The following AP3S2 variants were observed in gnomAD, a reference collection of about 807,000 sequenced individuals.
AP3S2 encodes adaptor related protein complex 3 subunit sigma 2, also known as AP-3 complex subunit sigma-2.
A neutral mutation model predicts 23.4 loss-of-function variants in AP3S2; 22 were observed. That is an observed-to-expected ratio of 0.94 (90% confidence interval 0.67 to 1.34). The LOEUF (loss-of-function observed/expected upper bound fraction) is 1.34, where lower values mean the gene tolerates loss of function less well. Among genes scored for constraint, AP3S2 ranks in the 40% most tolerant of loss-of-function variants. The pLI is 0.00. For missense variants in AP3S2, 241 were observed against 236.9 expected, an observed-to-expected ratio of 1.02 and a Z score of -0.11; for synonymous variants, 86 against 87.1, an observed-to-expected ratio of 0.99 and a Z score of 0.07.
intron 3 of AP3S2, 76 bp downstream of exon 3, chr15:89,888,445 G>A: frequency 7.0e-7 from 1 of 1,420,464 alleles, no homozygotes; most frequent in Non-Finnish European, 9.9e-7. Flanking sequence ...TGGACACAAG[G>A]TTCTACAGGC....
chr15:89,844,508 T>A (rs11636349), intron 4 of AP3S2, among the ~76,000 whole-genome samples: 1 of 150,802 alleles, frequency 6.6e-6, no homozygotes, highest in East Asian at 1.9e-4. Context: ...CAGCTTTTTT[T>A]CTTTTTTTTT....
chr15:89,862,068 T>C (rs1437230744), intron 4 of AP3S2, among the ~76,000 whole-genome samples: 1 of 152,124 alleles, frequency 6.6e-6, no homozygotes, highest in African/African-American at 2.4e-5. Flanking sequence ...GGGCACAAAT[T>C]GTGGAGAGCC....
intron 3 of AP3S2, among the ~76,000 whole-genome samples, chr15:89,887,089 C>A (rs534003734): frequency 6.6e-6 from 1 of 152,334 alleles, no homozygotes; most frequent in African/African-American, 2.4e-5. Context: ...AGCCACTGCA[C>A]CCCGCCTTGA....
At chr15:89,871,607 A>G (rs1896320996) in intron 3 of AP3S2, 61 bp from the exon 4 acceptor site, 7 of 1,556,206 alleles carry the variant, frequency 4.5e-6, no homozygotes, top group Admixed American at 3.6e-5. Context: ...AGCTTTATCA[A>G]TGTCACATCT....
intron 4 of AP3S2, among the ~76,000 whole-genome samples, chr15:89,842,507 G>T (rs1384993478): frequency 6.6e-6 from 1 of 152,136 alleles, no homozygotes; most frequent in Non-Finnish European, 1.5e-5. Context: ...ACTTAAAAGA[G>T]AAACAAAATA....
chr15:89,861,411 G>C (rs1199696443), intron 4 of AP3S2, among the ~76,000 whole-genome samples: 3 of 152,154 alleles, frequency 2.0e-5, no homozygotes, highest in Non-Finnish European at 4.4e-5. Context: ...ATCCAGCTTT[G>C]CTATTAGATA....
At position 89,833,662 on chromosome 15, in the gene AP3S2, C is replaced by T. The variant is rs1895127468; in HGVS notation, c.*1853G>A. On this transcript the variant is annotated 3_prime_UTR_variant, in exon 6 of 6. Coordinates refer to ENST00000336418, the MANE Select transcript of AP3S2 (RefSeq NM_005829.5). The stretch of plus-strand genomic sequence containing the variant: ...CCAGAAAAAAGAAAATCCAACCCCT[C>T]AAAAGAATGACATCAGGGGTTTTGA... The T allele has an allele frequency of 6.6e-6, 1 of 152,224 alleles. No individual in the cohort carries two copies. The highest frequency in any genetic ancestry group is 1.5e-5 in the Non-Finnish European group (1 of 68,056). 9.4% of individuals were successfully genotyped at this position (152,224 alleles called of 1,614,324 possible).
intron 3 of AP3S2, among the ~76,000 whole-genome samples, chr15:89,884,957 T>C (rs1295889300): frequency 2.0e-5 from 3 of 152,132 alleles, no homozygotes; most frequent in Admixed American, 2.0e-4. Context: ...CATCTTCCTT[T>C]TTAGAGTCAG....
chr15:89,847,537 G>A (rs1366137102), intron 4 of AP3S2, among the ~76,000 whole-genome samples: 1 of 152,114 alleles, frequency 6.6e-6, no homozygotes, highest in Non-Finnish European at 1.5e-5. Flanking sequence ...CAAGTCAGTT[G>A]CAACAACCCT....
At position 89,871,087 on chromosome 15, in the gene AP3S2, G is replaced by A. The variant is rs142602260; in HGVS notation, c.345+388C>T. ...TATAAATTTTACTATCTAAGTCAAA[G>A]CCCCTGCGTCATGATTATTCCAAAG... On this transcript the variant is annotated intron_variant, in intron 4 of 5. Transcript: ENST00000336418. Among the ~76,000 whole-genome samples the A allele has an allele frequency of 2.7e-3, 418 of 152,234 alleles. 2 individuals are homozygous for A. The highest frequency in any genetic ancestry group is 9.5e-3 in the African/African-American group (396 of 41,524).
At chr15:89,838,730 C>T (rs911796472) in intron 4 of AP3S2, among the ~76,000 whole-genome samples, 4 of 152,120 alleles carry the variant, frequency 2.6e-5, no homozygotes, top group Non-Finnish European at 5.9e-5. Flanking sequence ...AGAAAGGGTA[C>T]AGTGGCTAGA....
intron 1 of AP3S2, among the ~76,000 whole-genome samples, chr15:89,891,549 C>T (rs1896820979): frequency 6.6e-6 from 1 of 151,732 alleles, no homozygotes; most frequent in Non-Finnish European, 1.5e-5. Context: ...ATCCTAGCTA[C>T]TCAGGAGACT....
chr15:89,860,522 C>T (rs543844438), intron 4 of AP3S2, among the ~76,000 whole-genome samples: 1 of 152,248 alleles, frequency 6.6e-6, no homozygotes, highest in South Asian at 2.1e-4. Flanking sequence ...CATCATGCTG[C>T]TCAGAATGGC....
At chr15:89,888,929 G>T in intron 2 of AP3S2, 120 bp downstream of exon 2, 3 of 1,172,534 alleles carry the variant, frequency 2.6e-6, no homozygotes, top group South Asian at 1.3e-5. Flanking sequence ...GCAGATCATG[G>T]TGAGACCAGC....
chr15:89,857,312 T>C (rs1481207749), intron 4 of AP3S2, among the ~76,000 whole-genome samples: 1 of 152,136 alleles, frequency 6.6e-6, no homozygotes, highest in Non-Finnish European at 1.5e-5. Flanking sequence ...AAAATTTGAG[T>C]TTTATATCTT....
intron 4 of AP3S2, among the ~76,000 whole-genome samples, chr15:89,870,400 A>T (rs909992303): frequency 6.6e-6 from 1 of 152,174 alleles, no homozygotes; most frequent in Non-Finnish European, 1.5e-5. Flanking sequence ...GTATCTAAAG[A>T]AGGAAAAGGG....
intron 1 of AP3S2, 121 bp downstream of exon 1, chr15:89,893,760 A>AC (rs1183380650): frequency 2.1e-6 from 2 of 955,522 alleles, no homozygotes; most frequent in Non-Finnish European, 3.1e-6. Context: ...GGCGAGGGTC[A>AC]TGCTCGGTGC....
rs542952053 is a variant in AP3S2 at position 89,853,026 on chromosome 15, A to T, written c.346-15304T>A. On this transcript the variant is annotated intron_variant, in intron 4 of 5. Coordinates refer to ENST00000336418, the MANE Select transcript of AP3S2 (RefSeq NM_005829.5). ...GCAGTGGTCCCCAACTTAAAAAAAAATTCATGAAAATTCACTTAAATAACA... is the reference window on the plus strand; with the variant it reads ...GCAGTGGTCCCCAACTTAAAAAAAATTTCATGAAAATTCACTTAAATAACA... Among the ~76,000 whole-genome samples the T allele has an allele frequency of 2.4e-4, 37 of 152,272 alleles. 1 individual carries two copies. The South Asian group carries it at 7.3e-3, about 30-fold the overall frequency.
intron 4 of AP3S2, among the ~76,000 whole-genome samples, chr15:89,868,510 G>A (rs1341246334): frequency 2.5e-5 from 3 of 122,436 alleles, no homozygotes; most frequent in Admixed American, 7.5e-5. Flanking sequence ...CGGTCCGGGA[G>A]GGAGGTGGGG....
Sources: gnomAD v4.1 joint callset for allele counts (sites outside exome capture counted in the v4.1 genomes callset) on GRCh38, gnomAD v4.1.1 for gene constraint, MANE v1.5 for transcripts, NCBI Gene and HGNC (gene_info 2026-07-23, HGNC 2026-07-21) for gene names.